LEMD2: variants seen among roughly 807,000 people sequenced by gnomAD.
LEMD2 encodes LEM domain-containing protein 2.
A neutral mutation model predicts 58.8 loss-of-function variants in LEMD2; 34 were observed. The observed-to-expected ratio is 0.58, with a 90% CI of 0.44 to 0.77. LEMD2 has a LOEUF of 0.77. Ranked by LOEUF, LEMD2 falls within the 30% of genes least tolerant of loss-of-function variation. LEMD2 has a pLI of 0.00. For missense variants in LEMD2, 629 were observed against 717.9 expected (o/e 0.88, Z 1.42); for synonymous variants, 298 against 308.9 (o/e 0.96, Z 0.37).
At position 33,788,894 on chromosome 6, in the gene LEMD2, G is replaced by C. The variant is rs1767753913; in HGVS notation, c.223C>G (p.Arg75Gly). ...GGAGAGGCCGCGGCGGGCCGGGCGC[G>C]CAGCGGCGCATCCTCGCGTAACCGG... is the stretch of plus-strand genomic sequence containing the variant. ...EARLREDAPL[R>G]ARPAAASPRA... Residue 75 changes from arginine (R) to glycine (G), a missense_variant, in exon 1 of 9, where the codon CGC becomes GGC. This residue lies in a region of LEMD2 where 386 missense variants were observed against 381.1 expected (regional missense o/e 1.01). Transcript: ENST00000293760. 3.6e-6 allele frequency: 5 copies of C among 1,389,520 alleles called. No individual in the cohort carries two copies. Among genetic ancestry groups the C allele is most frequent in the Admixed American group, 7.2e-5 (2 of 27,968 alleles). 86.1% of individuals were successfully genotyped at this position (1,389,520 alleles called of 1,614,324 possible).
intron 3 of LEMD2, 38 bp from the exon 4 acceptor site, chr6:33,781,191 G>GA (rs781098891): frequency 6.9e-6 from 9 of 1,295,094 alleles, no homozygotes; most frequent in Admixed American, 5.2e-5. Context: ...AAACACAAAG[G>GA]AAAAATCACT....
chr6:33,782,273 CT>C (rs1245823706), intron 3 of LEMD2: 3 of 152,300 alleles, frequency 2.0e-5, no homozygotes, highest in Non-Finnish European at 4.4e-5. Flanking sequence ...GAAAATGATT[CT>C]GCTTAACTGT....
intron 8 of LEMD2, 186 bp downstream of exon 8, chr6:33,776,768 T>C (rs1051104686): frequency 9.7e-6 from 6 of 618,538 alleles, no homozygotes; most frequent in Non-Finnish European, 1.7e-5. Context: ...CTTTTCTAGC[T>C]CATCCTGCCA....
chr6:33,783,899 G>A (rs1331904499), intron 3 of LEMD2, among the ~76,000 whole-genome samples: 1 of 152,196 alleles, frequency 6.6e-6, no homozygotes, highest in East Asian at 1.9e-4. Context: ...TGACACCAGG[G>A]CCCACTACAC....
At chr6:33,773,496 C>G (rs1282894402) in intron 8 of LEMD2, among the ~76,000 whole-genome samples, 1 of 152,102 alleles carries the variant, frequency 6.6e-6, no homozygotes, top group African/African-American at 2.4e-5. Flanking sequence ...TGCAGCCCAC[C>G]TCCCCATGAC....
At chr6:33,788,333 G>C (rs892074070) in intron 1 of LEMD2, 48 bp downstream of exon 1, 2 of 1,497,856 alleles carry the variant, frequency 1.3e-6, no homozygotes, top group East Asian at 2.6e-5. Context: ...GTCCTCCGGC[G>C]GACACACGCG....
At chr6:33,784,848 T>C (rs577695303) in intron 2 of LEMD2, among the ~76,000 whole-genome samples, 60 of 152,286 alleles carry the variant, frequency 3.9e-4, no homozygotes, top group African/African-American at 1.4e-3. Context: ...CTAGGAGAGC[T>C]TGCAGACAGG....
At chr6:33,784,599 T>C in intron 2 of LEMD2, 172 bp from the exon 3 acceptor site, 1 of 577,296 alleles carries the variant, frequency 1.7e-6, no homozygotes, top group African/African-American at 1.9e-5. Context: ...AGAGAGTTGA[T>C]AAATATTGGG....
At chr6:33,784,477 G>GGGGGGGGGGGGGCCCCCCCCC (rs2127382384) in intron 2 of LEMD2, 50 bp from the exon 3 acceptor site, 7 of 430,790 alleles carry the variant, frequency 1.6e-5, no homozygotes, top group East Asian at 7.6e-5. Flanking sequence ...GGTGGGAGGG[G>GGGGGGGGGGGGGCCCCCCCCC]TCCGTCTGTC....
chr6:33,773,797 GTTC>G (rs1361929791), intron 8 of LEMD2, among the ~76,000 whole-genome samples: 8 of 152,246 alleles, frequency 5.3e-5, no homozygotes, highest in African/African-American at 1.7e-4. Flanking sequence ...TCCCAGGCCA[GTTC>G]TTCTCATCTC....
Position 33,788,948 on chromosome 6 carries a change from G to T in LEMD2, c.169C>A (p.Arg57=). 6.6e-7 allele frequency: 1 copy of T among 1,512,398 alleles called. No homozygotes were observed. 93.7% of individuals were successfully genotyped at this position (1,512,398 alleles called of 1,614,324 possible). A position where few individuals can be genotyped will look rare whatever the true frequency, so the allele number is the denominator to read the frequency against. Residue 57 remains arginine (R), a synonymous_variant, in exon 1 of 9, where the codon CGG becomes AGG. Coordinates refer to ENST00000293760, the MANE Select transcript of LEMD2 (RefSeq NM_181336.4). The part of the protein sequence containing the change: ...EERLREEARP[R]GEERLREEAR... The stretch of plus-strand genomic sequence containing the variant: ...TCTTCCCGTAACCGCTCCTCGCCCC[G>T]CGGCCGGGCCTCCTCCCGCAGCCGC...
At chr6:33,784,824 G>GAGAGCTGGA (rs1402420860) in intron 2 of LEMD2, among the ~76,000 whole-genome samples, 1 of 152,198 alleles carries the variant, frequency 6.6e-6, no homozygotes, top group Non-Finnish European at 1.5e-5. Context: ...GCAGAGATGG[G>GAGAGCTGGA]AGAGCTGGAA....
At chr6:33,782,313 T>C (rs1021828457) in intron 3 of LEMD2, 2 of 152,350 alleles carry the variant, frequency 1.3e-5, no homozygotes, top group African/African-American at 4.8e-5. Context: ...GCATTCACCT[T>C]CCTGGCACCT....
Position 33,786,989 on chromosome 6 carries a change from T to G in LEMD2, c.737-215A>C, listed in dbSNP as rs539281972. The G allele has an allele frequency of 4.7e-4, 505 of 1,073,172 alleles. 1 individual carries two copies. The highest frequency in any genetic ancestry group is 4.9e-4 in the Non-Finnish European group (386 of 791,816). 66.5% of individuals were successfully genotyped at this position (1,073,172 alleles called of 1,614,324 possible). ...TTAGGAATTACGATAGCTGGGTCCT[T>G]GTCCCAGCTGAAAATGATTAGCTCA... is the stretch of plus-strand genomic sequence containing the variant. On this transcript the variant is annotated intron_variant, in intron 1 of 8. Coordinates refer to ENST00000293760, the MANE Select transcript of LEMD2 (RefSeq NM_181336.4).
intron 1 of LEMD2, among the ~76,000 whole-genome samples, chr6:33,787,258 A>T (rs1767699805): frequency 6.6e-6 from 1 of 152,228 alleles, no homozygotes; most frequent in South Asian, 2.1e-4. Flanking sequence ...CCAGTGTGAT[A>T]CTGTTTGACA....
In LEMD2 at chr6:33,780,088, GC is replaced by G. The variant is rs1767529953; in HGVS notation, c.1010+11del. The G allele has an allele frequency of 6.3e-7, 1 of 1,579,612 alleles. No homozygotes were observed. The highest frequency in any genetic ancestry group is 8.6e-7 in the Non-Finnish European group (1 of 1,160,960). ...GGCACCCATGCTGCGTCGCCACCCTGCCCACACTCACCAGATGCCCACGTCC... is the reference window on the plus strand; with the variant it reads ...GGCACCCATGCTGCGTCGCCACCCTGCCACACTCACCAGATGCCCACGTCC... On this transcript the variant is annotated intron_variant, in intron 5 of 8. Coordinates refer to ENST00000293760, the MANE Select transcript of LEMD2 (RefSeq NM_181336.4).
intron 8 of LEMD2, among the ~76,000 whole-genome samples, chr6:33,774,792 G>A (rs1174835469): frequency 1.3e-5 from 2 of 152,020 alleles, no homozygotes; most frequent in Non-Finnish European, 2.9e-5. Flanking sequence ...CTTCCCTTAG[G>A]GCTTGTCACT....
chr6:33,788,403 C>T lies in LEMD2; in HGVS notation c.714G>A (p.Ala238=). ...ILWVKMGKPS[A]PQEAEDNMKL... is the part of the protein sequence containing the mutation. ...TACTGTTGTCCTCCGCCTCCTGCGG[C>T]GCTGAGGGCTTGCCCATCTTCACCC... The change falls in exon 1 of 9, where the codon GCG becomes GCA. Residue 238 remains alanine, a synonymous_variant. Coordinates refer to ENST00000293760, the MANE Select transcript of LEMD2 (RefSeq NM_181336.4). The T allele has an allele frequency of 6.3e-7, 1 of 1,582,624 alleles. No homozygotes were observed. The highest frequency in any genetic ancestry group is 8.6e-7 in the Non-Finnish European group (1 of 1,165,600).
chr6:33,777,766 T>C (rs2127379408), intron 6 of LEMD2, among the ~76,000 whole-genome samples: 1 of 152,320 alleles, frequency 6.6e-6, no homozygotes, highest in Non-Finnish European at 1.5e-5. Context: ...GCCCCCGATG[T>C]CAGGGGATAA....
Sources: gnomAD v4.1 joint callset for allele counts (sites outside exome capture counted in the v4.1 genomes callset) on GRCh38, gnomAD v4.1.1 for gene constraint, gnomAD v4.1.1 regional missense constraint, MANE v1.5 for transcripts, NCBI Gene and HGNC (gene_info 2026-07-23, HGNC 2026-07-21) for gene names.